Variants in TMEM116 observed in about 807,000 individuals in gnomAD.
The protein encoded by TMEM116 is transmembrane protein 116.
TMEM116 carries 38 observed loss-of-function variants against 44.3 expected under a neutral mutation model. The ratio of observed to expected loss-of-function variants is 0.86; its 90% CI spans 0.66 to 1.12. The LOEUF (loss-of-function observed/expected upper bound fraction) is 1.12, where lower values mean the gene tolerates loss of function less well. TMEM116 is among the 50% of genes most tolerant of loss of function. The probability of loss-of-function intolerance (pLI) is 0.00; values close to 1 mark genes in which losing one functional copy is unlikely to be tolerated. For missense variants in TMEM116, 354 were observed against 401.7 expected, an observed-to-expected ratio of 0.88 and a Z score of 1.01; for synonymous variants, 132 against 144.8, an observed-to-expected ratio of 0.91 and a Z score of 0.64.
chr12:111,943,418 G>A (rs1323717603), intron 4 of TMEM116, 49 bp from the exon 5 acceptor site: 2 of 1,337,136 alleles, frequency 1.5e-6, no homozygotes, highest in Admixed American at 1.7e-5. Context: ...CTCTGACACT[G>A]TGAAGTTCTT....
At chr12:111,986,959 T>C (rs1382158183) in intron 4 of TMEM116, among the ~76,000 whole-genome samples, 5 of 152,144 alleles carry the variant, frequency 3.3e-5, no homozygotes, top group African/African-American at 7.2e-5. Flanking sequence ...AAAGAAAATA[T>C]AGCGTAAAAG....
chr12:111,940,554 C>T lies in TMEM116; in HGVS notation c.316-2344G>A, dbSNP rs7968057. ...ATATATATATATATATACACACACA[C>T]ATATATATGTGTGTATATATATATA... is the stretch of plus-strand genomic sequence containing the variant. On this transcript the variant is annotated intron_variant, in intron 5 of 10. Transcript: ENST00000552374. Among the ~76,000 whole-genome samples, 970 of 119,342 alleles carry T rather than the reference C, an allele frequency of 8.1e-3. 14 individuals carry two copies. The highest frequency in any genetic ancestry group is 0.034 in the African/African-American group (915 of 27,274). 78.3% of individuals were successfully genotyped at this position (119,342 alleles called of 152,430 possible).
chr12:111,969,405 T>C (rs1439293428), intron 4 of TMEM116, among the ~76,000 whole-genome samples: 1 of 151,794 alleles, frequency 6.6e-6, no homozygotes, highest in Non-Finnish European at 1.5e-5. Context: ...TTTGTTTATT[T>C]ATTTTTTTTT....
At chr12:111,975,156 T>C (rs2075595529) in intron 4 of TMEM116, among the ~76,000 whole-genome samples, 1 of 152,206 alleles carries the variant, frequency 6.6e-6, no homozygotes, top group Admixed American at 6.5e-5. Context: ...GCGATATCTG[T>C]TTTTTTGAGA....
rs2071668244 is a variant in TMEM116 at position 111,931,803 on chromosome 12, G to C, written c.832C>G (p.Leu278Val). The change falls in exon 11 of 11, where the codon CTA becomes GTA. Residue 278 changes from leucine to valine, a missense_variant. Transcript: ENST00000552374. ...LQALTATSQG[L>V]LNCGVYGWTQ... ...CAGCCATATACTCCACAGTTGAGTAGACCCTGAGATGTTGCCGTTAGAGCC... is the reference window on the plus strand; with the variant it reads ...CAGCCATATACTCCACAGTTGAGTACACCCTGAGATGTTGCCGTTAGAGCC... 1 of 1,545,298 alleles carries C rather than the reference G, an allele frequency of 6.5e-7. No individual in the cohort carries two copies. The highest frequency in any genetic ancestry group is 8.7e-7 in the Non-Finnish European group (1 of 1,148,946).
intron 4 of TMEM116, among the ~76,000 whole-genome samples, chr12:111,969,059 G>A (rs1157735200): frequency 6.7e-6 from 1 of 149,830 alleles, no homozygotes; most frequent in Non-Finnish European, 1.5e-5. Flanking sequence ...GGTGGCTCAC[G>A]CCTGTAATCC....
At chr12:111,953,346 T>G (rs1178498089) in intron 4 of TMEM116, among the ~76,000 whole-genome samples, 3 of 152,084 alleles carry the variant, frequency 2.0e-5, no homozygotes, top group Non-Finnish European at 4.4e-5. Flanking sequence ...AACATAATTT[T>G]CAATCAAACA....
chr12:111,987,610 A>T (rs529568943), intron 4 of TMEM116, among the ~76,000 whole-genome samples: 30 of 152,284 alleles, frequency 2.0e-4, no homozygotes, highest in Admixed American at 5.2e-4. Context: ...ATTACTAATG[A>T]TTAGAGAAAT....
intron 3 of TMEM116, among the ~76,000 whole-genome samples, chr12:111,996,684 A>G (rs973869032): frequency 6.6e-6 from 1 of 152,216 alleles, no homozygotes; most frequent in Non-Finnish European, 1.5e-5. Context: ...GCATTTGCGC[A>G]CCAGAAAACA....
At chr12:111,946,294 G>T (rs1160997696) in intron 4 of TMEM116, among the ~76,000 whole-genome samples, 1 of 152,202 alleles carries the variant, frequency 6.6e-6, no homozygotes, top group Non-Finnish European at 1.5e-5. Flanking sequence ...GTGTGGAGCG[G>T]GATCAGGGGG....
At chr12:111,939,854 AAAG>A (rs1173748104) in intron 5 of TMEM116, among the ~76,000 whole-genome samples, 1 of 149,454 alleles carries the variant, frequency 6.7e-6, no homozygotes, top group Non-Finnish European at 1.5e-5. Context: ...AAGAAAACCC[AAAG>A]AAGAAAAAGT....
chr12:111,961,280 T>C (rs2074570415), intron 4 of TMEM116, among the ~76,000 whole-genome samples: 1 of 152,180 alleles, frequency 6.6e-6, no homozygotes, highest in African/African-American at 2.4e-5. Flanking sequence ...TCCGAAACTA[T>C]TTCAAACAAC....
chr12:112,005,353 A>G, intron 1 of TMEM116, 50 bp from the exon 2 acceptor site: 1 of 1,200,874 alleles, frequency 8.3e-7, no homozygotes, highest in East Asian at 3.2e-5. Context: ...TACATTGAAT[A>G]TTCAACCTAA....
At chr12:112,003,690 T>G in intron 3 of TMEM116, 110 bp downstream of exon 3, 1 of 1,412,868 alleles carries the variant, frequency 7.1e-7, no homozygotes, top group Non-Finnish European at 9.2e-7. Flanking sequence ...CATGACAAAT[T>G]TAAAAGTAAT....
intron 4 of TMEM116, among the ~76,000 whole-genome samples, chr12:111,966,695 C>T (rs1316091920): frequency 6.6e-6 from 1 of 152,208 alleles, no homozygotes. Context: ...TATTTCTCTT[C>T]TGATGGCTTA....
intron 3 of TMEM116, among the ~76,000 whole-genome samples, chr12:111,997,898 TA>T (rs1332017688): frequency 6.6e-6 from 1 of 152,250 alleles, no homozygotes; most frequent in Non-Finnish European, 1.5e-5. Flanking sequence ...GTAAGCTTGC[TA>T]AAATTCCAGT....
At chr12:111,964,280 A>G (rs1240476554) in intron 4 of TMEM116, among the ~76,000 whole-genome samples, 4 of 151,990 alleles carry the variant, frequency 2.6e-5, no homozygotes, top group African/African-American at 9.7e-5. Flanking sequence ...CTCTACTAAC[A>G]ATACAAAAAT....
Position 111,931,772 on chromosome 12 carries a change from T to C in TMEM116, c.863A>G (p.Gln288Arg), listed in dbSNP as rs113902987. 1 of 1,600,150 alleles carries C rather than the reference T, an allele frequency of 6.2e-7. No homozygotes were observed. The stretch of plus-strand genomic sequence containing the variant: ...CTGCTTTAGTTGGTGGAATTTGTGC[T>C]GCGTCCAGCCATATACTCCACAGTT... The part of the protein sequence containing the change: ...LLNCGVYGWT[Q>R]HKFHQLKQEA... Residue 288 changes from glutamine to arginine, a missense_variant, in exon 11 of 11, where the codon CAG becomes CGG. Physicochemically the swap from Gln to Arg is conservative, Grantham distance 43. Coordinates refer to ENST00000552374, the MANE Select transcript of TMEM116 (RefSeq NM_001193531.2).
At chr12:111,953,914 T>C (rs1170232751) in intron 4 of TMEM116, among the ~76,000 whole-genome samples, 1 of 152,216 alleles carries the variant, frequency 6.6e-6, no homozygotes, top group Non-Finnish European at 1.5e-5. Flanking sequence ...CTCTGTAAAA[T>C]GATCTTGACT....
Sources: gnomAD v4.1 joint callset for allele counts (sites outside exome capture counted in the v4.1 genomes callset) on GRCh38, gnomAD v4.1.1 for gene constraint, MANE v1.5 for transcripts, NCBI Gene and HGNC (gene_info 2026-07-23, HGNC 2026-07-21) for gene names.